ME3: variants seen among roughly 807,000 people sequenced by gnomAD.
ME3 encodes the protein malic enzyme 3.
ME3 carries 48 observed loss-of-function variants against 68.9 expected under a neutral mutation model. The ratio of observed to expected loss-of-function variants is 0.70; its 90% CI spans 0.55 to 0.89. The LOEUF is 0.89. Among genes scored for constraint, ME3 ranks in the 40% least tolerant of loss-of-function variants. The probability of loss-of-function intolerance (pLI) is 0.00; values close to 1 mark genes in which losing one functional copy is unlikely to be tolerated. For missense variants in ME3, 675 were observed against 797.4 expected (o/e 0.85, Z 1.85); for synonymous variants, 320 against 318.8 (o/e 1.00, Z -0.04).
intron 2 of ME3, among the ~76,000 whole-genome samples, chr11:86,629,006 C>G (rs929128175): frequency 2.6e-5 from 4 of 152,242 alleles, no homozygotes; most frequent in Non-Finnish European, 5.9e-5. Flanking sequence ...CACAGTCTTG[C>G]ATTAACAATT....
chr11:86,468,444 TCCATCCATTCAC>T (rs1162298825), intron 7 of ME3, among the ~76,000 whole-genome samples: 2 of 152,192 alleles, frequency 1.3e-5, no homozygotes, highest in Non-Finnish European at 2.9e-5. Context: ...GATTTATCCA[TCCATCCATTCAC>T]CCATCCATAA....
intron 11 of ME3, among the ~76,000 whole-genome samples, chr11:86,447,520 G>T (rs552707945): frequency 6.6e-6 from 1 of 152,238 alleles, no homozygotes; most frequent in African/African-American, 2.4e-5. Context: ...GCCAGGGTCT[G>T]CCTTGGGAGA....
intron 2 of ME3, among the ~76,000 whole-genome samples, chr11:86,588,491 A>G (rs1958866500): frequency 6.6e-6 from 1 of 152,170 alleles, no homozygotes. Context: ...TTCATGTCCT[A>G]CCAAGGCTCC....
chr11:86,671,617 G>A (rs1946948094), intron 2 of ME3, 145 bp downstream of exon 2: 9 of 970,838 alleles, frequency 9.3e-6, no homozygotes, highest in Admixed American at 3.1e-5. Flanking sequence ...GCCAAACCAA[G>A]TCACAACAAG....
rs142792503 is a variant in ME3 at position 86,498,272 on chromosome 11, A to G, written c.544-148T>C. ...AGCTTGTCTGGGATAAGGCCGGAGC[A>G]TTTATTCACCTGCAGGTGACCAGTC... On this transcript the variant is annotated intron_variant, in intron 5 of 14. Transcript: ENST00000543262. The G allele has an allele frequency of 2.0e-4, 185 of 940,552 alleles. No homozygotes were observed. The African/African-American group carries it at 2.4e-3, about 12-fold the overall frequency. 58.3% of individuals were successfully genotyped at this position (940,552 alleles called of 1,614,324 possible).
At chr11:86,500,937 C>T (rs1565866966) in intron 5 of ME3, among the ~76,000 whole-genome samples, 2 of 152,080 alleles carry the variant, frequency 1.3e-5, no homozygotes, top group Admixed American at 6.6e-5. Flanking sequence ...TAAGGACCCA[C>T]TGCCTGCCAA....
intron 4 of ME3, among the ~76,000 whole-genome samples, chr11:86,510,041 A>G (rs1208599497): frequency 6.6e-6 from 1 of 152,230 alleles, no homozygotes; most frequent in Admixed American, 6.5e-5. Context: ...ACTGAACCCC[A>G]AACTGTTCTT....
chr11:86,577,853 T>A (rs1050075826), intron 2 of ME3, among the ~76,000 whole-genome samples: 7 of 152,212 alleles, frequency 4.6e-5, no homozygotes, highest in Non-Finnish European at 1.0e-4. Context: ...TATCCCCATT[T>A]ATAGGAGGAA....
intron 2 of ME3, among the ~76,000 whole-genome samples, chr11:86,611,532 A>T (rs529915432): frequency 3.4e-4 from 50 of 148,218 alleles, no homozygotes; most frequent in Non-Finnish European, 5.6e-4. Context: ...TATATATATT[A>T]TATATATCAA....
chr11:86,549,608 C>T (rs566618407), intron 4 of ME3, among the ~76,000 whole-genome samples: 2 of 152,318 alleles, frequency 1.3e-5, no homozygotes, highest in South Asian at 4.1e-4. Flanking sequence ...AATGATTAAC[C>T]ACCCTTGAGC....
At chr11:86,592,437 C>T (rs1959118913) in intron 2 of ME3, among the ~76,000 whole-genome samples, 1 of 152,138 alleles carries the variant, frequency 6.6e-6, no homozygotes, top group Non-Finnish European at 1.5e-5. Context: ...AAATGGAATC[C>T]ATCTTCAAGG....
Position 86,523,717 on chromosome 11 carries a change from C to T in ME3, c.468-14850G>A, listed in dbSNP as rs549256939. Reference sequence around the variant, plus strand: ...TATACATGCAATTTTCACTAAAAATCGTGAGTACATGGAAAAGCTGATGAA... The same window carrying T: ...TATACATGCAATTTTCACTAAAAATTGTGAGTACATGGAAAAGCTGATGAA... On this transcript the variant is annotated intron_variant, in intron 4 of 14. Coordinates refer to ENST00000543262, the Ensembl canonical transcript of ME3. 2.0e-4 allele frequency among the ~76,000 whole-genome samples: 30 copies of T among 152,096 alleles called. No homozygotes were observed. In the South Asian group the frequency reaches 2.5e-3, roughly 13 times the overall value.
At chr11:86,550,045 G>A (rs1956587581) in intron 4 of ME3, among the ~76,000 whole-genome samples, 2 of 152,180 alleles carry the variant, frequency 1.3e-5, no homozygotes, top group African/African-American at 4.8e-5. Flanking sequence ...GCAGTTCTCA[G>A]CCCTGGCTGC....
chr11:86,440,556 C>T (rs879856446), downstream of ME3, among the ~76,000 whole-genome samples: 14 of 152,148 alleles, frequency 9.2e-5, no homozygotes, highest in Non-Finnish European at 1.8e-4. Flanking sequence ...CAGGCTGACC[C>T]TCCCCACCCA....
chr11:86,507,267 C>G (rs1449215245), intron 5 of ME3, among the ~76,000 whole-genome samples: 1 of 152,196 alleles, frequency 6.6e-6, no homozygotes, highest in Non-Finnish European at 1.5e-5. Context: ...TTTGGCAGCA[C>G]AGACACAGTG....
intron 2 of ME3, among the ~76,000 whole-genome samples, chr11:86,583,379 G>C (rs1232583977): frequency 6.6e-6 from 1 of 152,162 alleles, no homozygotes; most frequent in Non-Finnish European, 1.5e-5. Flanking sequence ...AATACAAGAT[G>C]TAGTGATTTG....
intron 7 of ME3, among the ~76,000 whole-genome samples, chr11:86,475,021 G>A (rs1420455335): frequency 6.6e-6 from 1 of 152,236 alleles, no homozygotes; most frequent in African/African-American, 2.4e-5. Flanking sequence ...TTTTTCTGGT[G>A]ACTTTATGTG....
chr11:86,486,762 C>T (rs1191078057), intron 7 of ME3, among the ~76,000 whole-genome samples: 1 of 152,140 alleles, frequency 6.6e-6, no homozygotes, highest in African/African-American at 2.4e-5. Flanking sequence ...GCAGTGTGAG[C>T]GGGTGGCCAC....
At chr11:86,484,507 C>T (rs1951583010) in intron 7 of ME3, among the ~76,000 whole-genome samples, 1 of 152,172 alleles carries the variant, frequency 6.6e-6, no homozygotes, top group South Asian at 2.1e-4. Flanking sequence ...GCATGCCCCT[C>T]CCCAAGGATC....
Sources: allele counts gnomAD v4.1 joint callset (sites outside exome capture counted in the v4.1 genomes callset), GRCh38; gene constraint gnomAD v4.1.1; transcripts MANE v1.5; gene names NCBI Gene and HGNC (gene_info 2026-07-23, HGNC 2026-07-21).